Variants in SCUBE2 observed in about 807,000 individuals in gnomAD.
The protein encoded by SCUBE2 is signal peptide, CUB domain and EGF like domain containing 2.
In SCUBE2, 114 loss-of-function variants were observed where a neutral mutation model predicts 125.9. The ratio of observed to expected loss-of-function variants is 0.91; its 90% CI spans 0.78 to 1.06. The LOEUF (loss-of-function observed/expected upper bound fraction) is 1.06, where lower values mean the gene tolerates loss of function less well. Ranked by LOEUF, SCUBE2 falls within the 50% of genes least tolerant of loss-of-function variation. The probability of loss-of-function intolerance (pLI) is 0.00; values close to 1 mark genes in which losing one functional copy is unlikely to be tolerated. For missense variants in SCUBE2, 1,255 were observed against 1,301.8 expected, an observed-to-expected ratio of 0.96 and a Z score of 0.55; for synonymous variants, 459 against 492.9, an observed-to-expected ratio of 0.93 and a Z score of 0.91.
At chr11:9,080,823 C>A (rs992928380) in intron 2 of SCUBE2, among the ~76,000 whole-genome samples, 1 of 151,602 alleles carries the variant, frequency 6.6e-6, no homozygotes, top group Non-Finnish European at 1.5e-5. Context: ...GAAGACAAGC[C>A]ACAGATTGGT....
chr11:9,045,610 G>GACACACACACACAC (rs72142315), intron 16 of SCUBE2, among the ~76,000 whole-genome samples: 2 of 99,144 alleles, frequency 2.0e-5, no homozygotes, highest in African/African-American at 7.1e-5. Flanking sequence ...CAGACAGACA[G>GACACACACACACAC]ACACACACAC....
At chr11:9,048,484 A>T (rs1416868364) in intron 14 of SCUBE2, among the ~76,000 whole-genome samples, 1 of 152,242 alleles carries the variant, frequency 6.6e-6, no homozygotes, top group Non-Finnish European at 1.5e-5. Context: ...GCAGGGGCTG[A>T]GGCTTCAAAT....
At chr11:9,076,988 G>A (rs567548156) in intron 3 of SCUBE2, among the ~76,000 whole-genome samples, 1 of 152,300 alleles carries the variant, frequency 6.6e-6, no homozygotes, top group East Asian at 1.9e-4. Context: ...GAGTAAAGAT[G>A]TGCTCCCCTC....
In SCUBE2 at chr11:9,030,805, G is replaced by T; in HGVS notation, c.2294C>A (p.Ala765Asp). 1 of 1,614,184 alleles carries T rather than the reference G, an allele frequency of 6.2e-7. No homozygotes were observed. The highest frequency in any genetic ancestry group is 8.5e-7 in the Non-Finnish European group (1 of 1,180,018). ...TSCFPCGGGL[A>D]TKHQGATSFQ... ...GGAAGTAGCTCCCTGATGTTTGGTG[G>T]CAAGGCCTCCTCCACAGGGGAAGCA... Residue 765 changes from alanine (A) to aspartate (D), a missense_variant, in exon 18 of 23, where the codon GCC becomes GAC. By Grantham distance (126) the Ala-to-Asp change is moderately radical. Coordinates refer to ENST00000649792, the MANE Select transcript of SCUBE2 (RefSeq NM_001367977.2).
At chr11:9,030,495 G>A (rs1270059674) in intron 18 of SCUBE2, among the ~76,000 whole-genome samples, 1 of 152,138 alleles carries the variant, frequency 6.6e-6, no homozygotes, top group Non-Finnish European at 1.5e-5. Flanking sequence ...AAGGAACCAG[G>A]GGAACCTGTG....
intron 4 of SCUBE2, 90 bp downstream of exon 4, chr11:9,074,391 C>T (rs1011034666): frequency 4.0e-6 from 6 of 1,499,760 alleles, no homozygotes; most frequent in Admixed American, 1.9e-5. Flanking sequence ...ATACCCTGTG[C>T]TTCCCCTCTA....
At chr11:9,035,690 T>C (rs1404192568) in intron 16 of SCUBE2, among the ~76,000 whole-genome samples, 4 of 152,186 alleles carry the variant, frequency 2.6e-5, no homozygotes, top group Non-Finnish European at 4.4e-5. Flanking sequence ...AAAATGTCTT[T>C]TCATTATTCA....
chr11:9,033,909 G>A lies in SCUBE2; in HGVS notation c.2003-113C>T, dbSNP rs3751056. On this transcript the variant is annotated intron_variant, in intron 16 of 22. Transcript: ENST00000649792. ...GCACTGACCACACCACCCACGGCAT[G>A]CAAACTCCCTGAATACGCAGTGTGC... is the stretch of plus-strand genomic sequence containing the variant. 284 of 1,012,466 alleles carry A rather than the reference G, an allele frequency of 2.8e-4. 2 individuals carry two copies. The East Asian group carries it at 6.5e-3, about 23-fold the overall frequency. The allele number at this position is 1,012,466 out of a possible 1,614,324, so 62.7% of individuals were successfully genotyped here. A position where few individuals can be genotyped will look rare whatever the true frequency, so the allele number is the denominator to read the frequency against.
intron 13 of SCUBE2, among the ~76,000 whole-genome samples, chr11:9,051,225 T>TCTATCTACCTACCTAC (rs755617422): frequency 0.016 from 2,060 of 132,288 alleles, 16 homozygotes; most frequent in Non-Finnish European, 0.02. Flanking sequence ...TATCTATCTA[T>TCTATCTACCTACCTAC]CTACCTACCT....
At chr11:9,070,952 CAATT>C (rs1258162611) in intron 4 of SCUBE2, among the ~76,000 whole-genome samples, 10 of 152,176 alleles carry the variant, frequency 6.6e-5, no homozygotes, top group African/African-American at 1.7e-4. Context: ...GGGTGGCTGT[CAATT>C]AACACAGAAA....
chr11:9,065,834 G>A, intron 7 of SCUBE2, 57 bp downstream of exon 7: 1 of 1,461,486 alleles, frequency 6.8e-7, no homozygotes. Flanking sequence ...GATGCAATAA[G>A]TTGGGGAGGG....
At chr11:9,067,277 A>G (rs955156838) in intron 5 of SCUBE2, among the ~76,000 whole-genome samples, 1 of 152,228 alleles carries the variant, frequency 6.6e-6, no homozygotes, top group Admixed American at 6.5e-5. Context: ...TAGATTAGTT[A>G]GAAGGAAGGA....
At chr11:9,023,830 A>G (rs1469437491) in intron 21 of SCUBE2, among the ~76,000 whole-genome samples, 1 of 152,210 alleles carries the variant, frequency 6.6e-6, no homozygotes, top group Non-Finnish European at 1.5e-5. Flanking sequence ...AAGTCACTTC[A>G]GCATGTACCT....
At chr11:9,061,907 A>G (rs1390587700) in intron 7 of SCUBE2, among the ~76,000 whole-genome samples, 1 of 152,230 alleles carries the variant, frequency 6.6e-6, no homozygotes, top group Non-Finnish European at 1.5e-5. Flanking sequence ...GGAGGTATCA[A>G]GTTATTCTAG....
At chr11:9,053,526 G>T in intron 11 of SCUBE2, 111 bp downstream of exon 11, 2 of 1,229,914 alleles carry the variant, frequency 1.6e-6, no homozygotes, top group Non-Finnish European at 2.3e-6. Flanking sequence ...TGCAGCTGGT[G>T]GGGAAGTCAG....
intron 14 of SCUBE2, 151 bp from the exon 15 acceptor site, chr11:9,048,249 G>A: frequency 1.5e-6 from 1 of 669,540 alleles, no homozygotes; most frequent in Non-Finnish European, 2.4e-6. Context: ...CCCTTAACTT[G>A]GAGCACAACG....
chr11:9,026,040 C>T, intron 20 of SCUBE2, 186 bp from the exon 21 acceptor site: 2 of 589,622 alleles, frequency 3.4e-6, no homozygotes, highest in Non-Finnish European at 5.7e-6. Flanking sequence ...TAATTGTGGA[C>T]CCCCAGGGGA....
Position 9,056,670 on chromosome 11 carries a change from C to T in SCUBE2, c.1091-761G>A, listed in dbSNP as rs1157394418. On this transcript the variant is annotated intron_variant, in intron 9 of 22. Transcript: ENST00000649792. Reference sequence around the variant, plus strand: ...GCAGCCTCAGGAGGCTGCATTTGTCCATCTCAGCATCTCTTTCCCTGGGTC... The same window carrying T: ...GCAGCCTCAGGAGGCTGCATTTGTCTATCTCAGCATCTCTTTCCCTGGGTC... Among the ~76,000 whole-genome samples, 3 of 152,272 alleles carry T rather than the reference C, an allele frequency of 2.0e-5. No homozygotes were observed. The East Asian group carries it at 5.8e-4, about 29-fold the overall frequency.
At chr11:9,030,355 G>A (rs544034270) in intron 18 of SCUBE2, 1 of 428,086 alleles carries the variant, frequency 2.3e-6, no homozygotes, top group Admixed American at 3.8e-5. Context: ...ATAGGGGGCA[G>A]GCAGTTGCAG....
Sources: allele counts gnomAD v4.1 joint callset (sites outside exome capture counted in the v4.1 genomes callset), GRCh38; gene constraint gnomAD v4.1.1; transcripts MANE v1.5; gene names NCBI Gene and HGNC (gene_info 2026-07-23, HGNC 2026-07-21).